Variants in DROSHA observed in about 807,000 individuals in gnomAD.
DROSHA encodes the protein drosha ribonuclease III, also known as ribonuclease 3.
DROSHA carries 56 observed loss-of-function variants against 181.9 expected under a neutral mutation model. The ratio of observed to expected loss-of-function variants is 0.31; its 90% CI spans 0.25 to 0.38. DROSHA has a LOEUF of 0.38. DROSHA is among the 10% of genes least tolerant of loss of function. The pLI, the probability that DROSHA is intolerant of heterozygous loss-of-function variation, is 1.00. For missense variants in DROSHA, 1,218 were observed against 1,743.5 expected (o/e 0.70, Z 5.37); for synonymous variants, 524 against 591.2 (o/e 0.89, Z 1.65).
chr5:31,451,710 C>T, intron 20 of DROSHA, 70 bp from the exon 21 acceptor site: 1 of 1,253,774 alleles, frequency 8.0e-7, no homozygotes, highest in Admixed American at 2.1e-5. Flanking sequence ...TATTTTACAA[C>T]AAGCCAGAAC....
chr5:31,407,949 G>A (rs1271955917), intron 33 of DROSHA, among the ~76,000 whole-genome samples: 2 of 152,070 alleles, frequency 1.3e-5, no homozygotes, highest in Non-Finnish European at 2.9e-5. Flanking sequence ...ATAATAAAGT[G>A]CTATTTCTAA....
intron 19 of DROSHA, among the ~76,000 whole-genome samples, chr5:31,465,919 C>G (rs776057730): frequency 6.6e-6 from 1 of 152,128 alleles, no homozygotes; most frequent in Non-Finnish European, 1.5e-5. Context: ...AAATAAACCT[C>G]TTTTCTTTAT....
At chr5:31,418,225 G>GTC (rs1305057490) in intron 30 of DROSHA, among the ~76,000 whole-genome samples, 3 of 151,156 alleles carry the variant, frequency 2.0e-5, no homozygotes, top group African/African-American at 7.4e-5. Context: ...TGTGGTGTGT[G>GTC]TGTGTGTGTG....
chr5:31,412,879 G>C (rs1741483353), intron 30 of DROSHA, among the ~76,000 whole-genome samples: 1 of 152,142 alleles, frequency 6.6e-6, no homozygotes, highest in African/African-American at 2.4e-5. Flanking sequence ...ATGGGGACGG[G>C]GAGCTTTCCT....
At position 31,401,557 on chromosome 5, in the gene DROSHA, A is replaced by G; in HGVS notation, c.4000T>C (p.Phe1334Leu). The stretch of plus-strand genomic sequence containing the variant: ...CGCTTCTGATGGGCCATCTGGGGAA[A>G]ATTATCTGACACAAGGAAATATATT... ...AAMDALEKYN[F>L]PQMAHQKRFI... The change falls in exon 36 of 36, where the codon TTT becomes CTT. Residue 1334 changes from phenylalanine to leucine, a missense_variant. Physicochemically the swap from Phe to Leu is conservative, Grantham distance 22 (BLOSUM62 0). This residue lies in a region of DROSHA where 48 missense variants were observed against 124.9 expected (regional missense o/e 0.38). Coordinates refer to ENST00000344624, the MANE Select transcript of DROSHA (RefSeq NM_001382508.1). The G allele has an allele frequency of 6.4e-7, 1 of 1,570,126 alleles. No individual in the cohort carries two copies. Among genetic ancestry groups the G allele is most frequent in the Non-Finnish European group, 8.6e-7 (1 of 1,157,888 alleles).
At chr5:31,436,748 AC>A (rs1744862385) in intron 24 of DROSHA, among the ~76,000 whole-genome samples, 3 of 14,954 alleles carry the variant, frequency 2.0e-4, no homozygotes, top group Non-Finnish European at 3.4e-4. Flanking sequence ...AGAAACACAC[AC>A]ACACACACAC....
chr5:31,409,862 T>A lies in DROSHA; in HGVS notation c.3668-530A>T, dbSNP rs1425549414. ...TTAATGACAACAATATGTCAAATTTTGCATTAATAAATGGTGACCCCCTAG... is the reference window on the plus strand; with the variant it reads ...TTAATGACAACAATATGTCAAATTTAGCATTAATAAATGGTGACCCCCTAG... On this transcript the variant is annotated intron_variant, in intron 31 of 35. Coordinates refer to ENST00000344624, the MANE Select transcript of DROSHA (RefSeq NM_001382508.1). The surrounding 1 kb of genome is among the most constrained non-coding windows in gnomAD (Gnocchi z 4.0). 6.6e-6 allele frequency among the ~76,000 whole-genome samples: 1 copy of A among 152,094 alleles called. No homozygotes were observed. Among genetic ancestry groups the A allele is most frequent in the Non-Finnish European group, 1.5e-5 (1 of 68,004 alleles).
At chr5:31,452,117 C>A (rs1426624714) in intron 20 of DROSHA, among the ~76,000 whole-genome samples, 1 of 152,134 alleles carries the variant, frequency 6.6e-6, no homozygotes, top group Non-Finnish European at 1.5e-5. Context: ...CCTTGTCTAT[C>A]TTTAATTAAA....
At chr5:31,401,622 GAAT>G (rs1740005730) in intron 35 of DROSHA, 60 bp from the exon 36 acceptor site, 1 of 1,138,574 alleles carries the variant, frequency 8.8e-7, no homozygotes, top group Admixed American at 3.8e-5. Flanking sequence ...CTAGTGCAAA[GAAT>G]AATGCAACTA....
At chr5:31,517,877 G>A (rs1288193475) in intron 6 of DROSHA, among the ~76,000 whole-genome samples, 3 of 151,896 alleles carry the variant, frequency 2.0e-5, no homozygotes, top group Non-Finnish European at 4.4e-5. Context: ...ACGAACCTGG[G>A]CAACATAGCG....
intron 13 of DROSHA, among the ~76,000 whole-genome samples, chr5:31,487,888 T>A (rs1174808899): frequency 1.3e-5 from 2 of 152,234 alleles, no homozygotes; most frequent in South Asian, 2.1e-4. Flanking sequence ...TGATTCAATG[T>A]ATTTTTAAAA....
chr5:31,513,187 C>T (rs1482646151), intron 8 of DROSHA, among the ~76,000 whole-genome samples: 3 of 152,160 alleles, frequency 2.0e-5, no homozygotes, highest in Non-Finnish European at 4.4e-5. Context: ...GCTCACCCAA[C>T]ATGCCCTCTG....
chr5:31,521,310 A>G, intron 5 of DROSHA, 95 bp from the exon 6 acceptor site: 1 of 1,378,664 alleles, frequency 7.3e-7, no homozygotes, highest in Non-Finnish European at 1.0e-6. Flanking sequence ...AATGGACCAC[A>G]TCTAGGAATT....
At chr5:31,528,004 AC>A (rs745592989) in intron 4 of DROSHA, among the ~76,000 whole-genome samples, 2 of 149,366 alleles carry the variant, frequency 1.3e-5, no homozygotes, top group Non-Finnish European at 3.0e-5. Context: ...CCCAGCCCCC[AC>A]CCCCATGGAT....
chr5:31,518,210 T>C (rs1739481892), intron 6 of DROSHA, among the ~76,000 whole-genome samples: 1 of 152,198 alleles, frequency 6.6e-6, no homozygotes, highest in South Asian at 2.1e-4. Context: ...TAACTAGACA[T>C]ATTTGAACAT....
At chr5:31,511,436 G>A (rs62348738) in intron 8 of DROSHA, among the ~76,000 whole-genome samples, 1 of 151,942 alleles carries the variant, frequency 6.6e-6, no homozygotes, top group East Asian at 1.9e-4. Context: ...CAGGCGTGCT[G>A]GCTCACGCCT....
intron 30 of DROSHA, among the ~76,000 whole-genome samples, chr5:31,412,766 A>T (rs1427584545): frequency 1.3e-5 from 2 of 152,198 alleles, no homozygotes; most frequent in Admixed American, 1.3e-4. Flanking sequence ...AGCATATAAC[A>T]TTAATATAAG....
intron 16 of DROSHA, among the ~76,000 whole-genome samples, chr5:31,482,566 T>G (rs1751154869): frequency 6.6e-6 from 1 of 152,022 alleles, no homozygotes; most frequent in African/African-American, 2.4e-5. Flanking sequence ...AGCGGCTGAG[T>G]GGTGACAATC....
intron 16 of DROSHA, 47 bp from the exon 17 acceptor site, chr5:31,472,279 C>A: frequency 1.3e-6 from 2 of 1,514,566 alleles, no homozygotes; most frequent in Non-Finnish European, 8.9e-7. Context: ...TAAGGCTACT[C>A]AACTTACAGC....
Sources: allele counts gnomAD v4.1 joint callset (sites outside exome capture counted in the v4.1 genomes callset), GRCh38; gene constraint gnomAD v4.1.1; regional missense constraint gnomAD v4.1.1; non-coding constraint Gnocchi (gnomAD v3.1); transcripts MANE v1.5; gene names NCBI Gene and HGNC (gene_info 2026-07-23, HGNC 2026-07-21).